RBFOX1: variants seen among roughly 807,000 people sequenced by gnomAD.
The protein encoded by RBFOX1 is RNA binding protein fox-1 homolog 1.
Under a neutral mutation model 57.7 loss-of-function variants are expected in RBFOX1, and 8 were observed. The observed-to-expected ratio is 0.14, with a 90% CI of 0.08 to 0.25. RBFOX1 has a LOEUF of 0.25. Among genes scored for constraint, RBFOX1 ranks in the 10% least tolerant of loss-of-function variants. The pLI, the probability that RBFOX1 is intolerant of heterozygous loss-of-function variation, is 1.00. For synonymous variants in RBFOX1, 326 were observed against 222.4 expected (o/e 1.47, Z -4.15); for missense variants, 611 against 548.5 (o/e 1.11, Z -1.14).
chr16:6,681,655 A>C (rs1302867638), intron 3 of RBFOX1, among the ~76,000 whole-genome samples: 2 of 135,872 alleles, frequency 1.5e-5, no homozygotes, highest in Non-Finnish European at 3.1e-5. Context: ...CCCCCTCCAC[A>C]ATGGTCATTT....
chr16:6,714,754 G>A (rs1414240337), intron 3 of RBFOX1, among the ~76,000 whole-genome samples: 1 of 152,136 alleles, frequency 6.6e-6, no homozygotes, highest in Non-Finnish European at 1.5e-5. Context: ...CTGGGACATG[G>A]GCAGTACCGT....
At chr16:7,578,528 A>T (rs1039942888) in intron 5 of RBFOX1, among the ~76,000 whole-genome samples, 2 of 152,160 alleles carry the variant, frequency 1.3e-5, no homozygotes, top group African/African-American at 4.8e-5. Context: ...TGCCCATGTT[A>T]TCTGAGTGTT....
At chr16:6,651,187 C>T (rs140598793) in intron 2 of RBFOX1, among the ~76,000 whole-genome samples, 1 of 152,276 alleles carries the variant, frequency 6.6e-6, no homozygotes, top group Non-Finnish European at 1.5e-5. Flanking sequence ...CAGGCGTGAG[C>T]CACCACACCC....
At chr16:6,716,176 G>T (rs527946754) in intron 3 of RBFOX1, among the ~76,000 whole-genome samples, 23 of 152,182 alleles carry the variant, frequency 1.5e-4, no homozygotes, top group Non-Finnish European at 2.8e-4. Context: ...AAAATAGAGG[G>T]TTATAATACC....
chr16:6,796,967 G>A (rs1342771530), intron 3 of RBFOX1, among the ~76,000 whole-genome samples: 1 of 152,092 alleles, frequency 6.6e-6, no homozygotes, highest in Non-Finnish European at 1.5e-5. Flanking sequence ...GAGGAAACAG[G>A]GCATTCCTTA....
intron 1 of RBFOX1, among the ~76,000 whole-genome samples, chr16:6,313,818 T>C: frequency 5.9e-5 from 1 of 17,048 alleles, no homozygotes. Flanking sequence ...ACTCAGAACA[T>C]TTTAGTTAAA....
At chr16:6,449,304 C>T (rs141841077) in intron 2 of RBFOX1, among the ~76,000 whole-genome samples, 1 of 152,236 alleles carries the variant, frequency 6.6e-6, no homozygotes, top group African/African-American at 2.4e-5. Flanking sequence ...TCATGTCTAC[C>T]CTTACTGCCT....
At chr16:7,285,336 C>T (rs1023965905) in intron 4 of RBFOX1, among the ~76,000 whole-genome samples, 3 of 151,210 alleles carry the variant, frequency 2.0e-5, no homozygotes, top group Admixed American at 2.0e-4. Context: ...TTGGTACAAC[C>T]CAGTGATTTT....
intron 4 of RBFOX1, among the ~76,000 whole-genome samples, chr16:7,064,445 A>C (rs1416009193): frequency 6.6e-6 from 1 of 152,082 alleles, no homozygotes. Flanking sequence ...TTGGGTTTAC[A>C]GGTGTGAGCC....
intron 1 of RBFOX1, among the ~76,000 whole-genome samples, chr16:5,357,787 A>T (rs1172235012): frequency 6.6e-6 from 1 of 152,078 alleles, no homozygotes; most frequent in Non-Finnish European, 1.5e-5. Context: ...ATCACAGGGA[A>T]TTTCTGTTTC....
chr16:6,773,650 G>T (rs1190497970), intron 3 of RBFOX1, among the ~76,000 whole-genome samples: 1 of 118,940 alleles, frequency 8.4e-6, no homozygotes, highest in Non-Finnish European at 1.7e-5. Flanking sequence ...ATGTGTGGGT[G>T]TGGGGTCTAT....
At chr16:6,593,892 C>G (rs527737851) in intron 2 of RBFOX1, among the ~76,000 whole-genome samples, 2 of 152,304 alleles carry the variant, frequency 1.3e-5, no homozygotes, top group East Asian at 3.9e-4. Context: ...AAGTGCTTGT[C>G]TCTCATTGCC....
At position 6,752,815 on chromosome 16, in the gene RBFOX1, CTA is replaced by C. The variant is rs1568464170; in HGVS notation, c.-16+98167_-16+98168del. On this transcript the variant is annotated intron_variant, in intron 3 of 15. Transcript: ENST00000550418. Reference sequence around the variant, plus strand: ...AAATTGTCAAACTTTATTCCTACTCCTATTTTTTTTTTTTTAGCAGGGTTCTG... The same window carrying C: ...AAATTGTCAAACTTTATTCCTACTCCTTTTTTTTTTTTTAGCAGGGTTCTG... Among the ~76,000 whole-genome samples, 3 of 37,324 alleles carry C rather than the reference CTA, an allele frequency of 8.0e-5. No individual in the cohort carries two copies. In the South Asian group the frequency reaches 7.2e-3, roughly 90 times the overall value. 24.5% of individuals were successfully genotyped at this position (37,324 alleles called of 152,430 possible).
At chr16:5,976,230 A>G (rs1378927748) in intron 4 of RBFOX1, among the ~76,000 whole-genome samples, 1 of 152,206 alleles carries the variant, frequency 6.6e-6, no homozygotes, top group Non-Finnish European at 1.5e-5. Context: ...GTATCCCAGG[A>G]CTTTGTTAGT....
intron 3 of RBFOX1, among the ~76,000 whole-genome samples, chr16:6,838,391 G>T (rs11646676): frequency 0.13 from 20,347 of 152,086 alleles, 1,496 homozygotes; most frequent in Non-Finnish European, 0.16. Flanking sequence ...ATATTCCCTG[G>T]TGCATATGTG....
chr16:7,377,813 T>C (rs1226083111), intron 4 of RBFOX1, among the ~76,000 whole-genome samples: 1 of 152,056 alleles, frequency 6.6e-6, no homozygotes, highest in Non-Finnish European at 1.5e-5. Flanking sequence ...GGTAAACAAA[T>C]AAGAAGGAAT....
downstream of RBFOX1, among the ~76,000 whole-genome samples, chr16:5,602,202 A>G (rs1391504947): frequency 6.6e-6 from 1 of 152,202 alleles, no homozygotes; most frequent in African/African-American, 2.4e-5. Context: ...GAGGCAGCAT[A>G]TGTTGGCCTG....
intron 2 of RBFOX1, among the ~76,000 whole-genome samples, chr16:6,555,704 A>G (rs111677451): frequency 2.0e-5 from 3 of 152,122 alleles, no homozygotes; most frequent in African/African-American, 7.2e-5. Context: ...TGTCTGAAAA[A>G]AAAACAAAAC....
At chr16:6,320,427 A>G (rs1341964431) in intron 2 of RBFOX1, among the ~76,000 whole-genome samples, 1 of 152,010 alleles carries the variant, frequency 6.6e-6, no homozygotes, top group Non-Finnish European at 1.5e-5. Flanking sequence ...CAAAACCTCA[A>G]AAATCGCCAC....
Sources: gnomAD v4.1 joint callset for allele counts (sites outside exome capture counted in the v4.1 genomes callset) on GRCh38, gnomAD v4.1.1 for gene constraint, MANE v1.5 for transcripts, NCBI Gene and HGNC (gene_info 2026-07-23, HGNC 2026-07-21) for gene names.